FANCB: variants seen among roughly 807,000 people sequenced by gnomAD.
The protein encoded by FANCB is FA complementation group B, also known as Fanconi anemia group B protein.
FANCB carries 5 observed loss-of-function variants against 38.9 expected under a neutral mutation model. The ratio of observed to expected loss-of-function variants is 0.13; its 90% confidence interval spans 0.07 to 0.27. The LOEUF (loss-of-function observed/expected upper bound fraction) is 0.27. Among genes scored for constraint, FANCB ranks in the 10% least tolerant of loss-of-function variants. The pLI, the probability that FANCB is intolerant of heterozygous loss-of-function variation, is 1.00. For synonymous variants in FANCB, 236 were observed against 215.4 expected, an observed-to-expected ratio of 1.10 and a Z score of -0.84; for missense variants, 573 against 602.7, an observed-to-expected ratio of 0.95 and a Z score of 0.52.
chrX:14,834,746 AT>A, downstream of FANCB: 2 of 725,170 alleles, frequency 2.8e-6, no homozygotes, highest in Non-Finnish European at 4.3e-6. Flanking sequence ...ACTTGTGTGC[AT>A]TTTTGGCTGT....
At chrX:14,820,735 AT>A in the FANCB span, among the ~76,000 whole-genome samples, 1 of 111,048 alleles carries the variant, frequency 9.0e-6, no homozygotes, top group East Asian at 2.8e-4. Context: ...ATAGATAGCA[AT>A]GATCTCAGCT....
intron 4 of FANCB, 122 bp from the exon 5 acceptor site, chrX:14,858,076 A>G: frequency 1.0e-5 from 5 of 488,751 alleles, no homozygotes. Flanking sequence ...TAGTGTGTAT[A>G]AAATACACAC....
the FANCB span, among the ~76,000 whole-genome samples, chrX:14,775,158 A>ATTTTTT: frequency 7.0e-5 from 2 of 28,477 alleles, no homozygotes; most frequent in Admixed American, 3.2e-4. Context: ...TATTTCTCTA[A>ATTTTTT]TGTTTTTTTT....
chrX:14,754,075 T>C, the FANCB span, among the ~76,000 whole-genome samples: 5 of 112,033 alleles, frequency 4.5e-5, no homozygotes, highest in East Asian at 1.4e-3. Flanking sequence ...ACCAGACGCA[T>C]TGTGAGAGTG....
downstream of FANCB, among the ~76,000 whole-genome samples, chrX:14,832,068 T>G (rs185133621): frequency 8.9e-6 from 1 of 111,888 alleles, no homozygotes; most frequent in Admixed American, 9.5e-5. Flanking sequence ...TTCTAATTTC[T>G]AAAAGTAATG....
the FANCB span, among the ~76,000 whole-genome samples, chrX:14,820,345 C>A: frequency 1.8e-5 from 2 of 111,852 alleles, no homozygotes; most frequent in African/African-American, 6.5e-5. Flanking sequence ...ACAGTTGAAA[C>A]CCATGTCATT....
intron 7 of FANCB, 48 bp from the exon 8 acceptor site, chrX:14,845,334 A>T: frequency 1.0e-6 from 1 of 957,297 alleles, no homozygotes; most frequent in Non-Finnish European, 1.5e-6. Flanking sequence ...CATTCTTTAA[A>T]ATCAAATTGA....
chrX:14,812,174 G>A, the FANCB span, among the ~76,000 whole-genome samples: 1 of 110,193 alleles, frequency 9.1e-6, no homozygotes, highest in African/African-American at 3.3e-5. Flanking sequence ...AGTGTGTAGA[G>A]GGAAATTTAT....
chrX:14,794,787 G>A, the FANCB span, among the ~76,000 whole-genome samples: 1 of 112,113 alleles, frequency 8.9e-6, no homozygotes, highest in Non-Finnish European at 1.9e-5. Flanking sequence ...GTAGAGTGGG[G>A]AGAGAATAGG....
At chrX:14,723,826 C>T in the FANCB span, among the ~76,000 whole-genome samples, 52,860 of 111,039 alleles carry the variant, frequency 0.48, 9,540 homozygotes, top group Non-Finnish European at 0.57. Flanking sequence ...ACCAGGACCC[C>T]ATTTAGTAAG....
chrX:14,727,773 T>C, the FANCB span, among the ~76,000 whole-genome samples: 2 of 112,333 alleles, frequency 1.8e-5, no homozygotes, highest in Non-Finnish European at 3.7e-5. Context: ...ACTGAGCACA[T>C]GGAAGTACTC....
chrX:14,802,004 T>A, the FANCB span, among the ~76,000 whole-genome samples: 2 of 111,861 alleles, frequency 1.8e-5, no homozygotes, highest in Non-Finnish European at 3.8e-5. Flanking sequence ...TTTATCTTCC[T>A]CCCTTTGCTG....
chrX:14,829,612 A>C, the FANCB span, among the ~76,000 whole-genome samples: 1 of 111,758 alleles, frequency 8.9e-6, no homozygotes, highest in African/African-American at 3.3e-5. Context: ...GCTTCACCTC[A>C]CACTTTTGTG....
At chrX:14,769,842 G>A in the FANCB span, among the ~76,000 whole-genome samples, 8,246 of 111,729 alleles carry the variant, frequency 0.074, 400 homozygotes, top group African/African-American at 0.17. Flanking sequence ...CAAAGATTGT[G>A]ATATGTTGTC....
chrX:14,723,376 C>T, the FANCB span, among the ~76,000 whole-genome samples: 2 of 112,075 alleles, frequency 1.8e-5, no homozygotes, highest in African/African-American at 6.5e-5. Flanking sequence ...TATACCACCA[C>T]CCATTAAATC....
the FANCB span, among the ~76,000 whole-genome samples, chrX:14,735,099 C>G: frequency 9.2e-6 from 1 of 108,758 alleles, no homozygotes; most frequent in Non-Finnish European, 1.9e-5. Context: ...ATGTTCTTCT[C>G]TAAACTGGTT....
chrX:14,708,358 T>C, the FANCB span, among the ~76,000 whole-genome samples: 1 of 111,589 alleles, frequency 9.0e-6, no homozygotes, highest in Non-Finnish European at 1.9e-5. Context: ...TTAAACCTTC[T>C]CACATACCCT....
the FANCB span, among the ~76,000 whole-genome samples, chrX:14,744,292 C>A: frequency 8.9e-6 from 1 of 112,063 alleles, no homozygotes; most frequent in Admixed American, 9.5e-5. Context: ...AAAATAGTAC[C>A]TATTTCACAG....
chrX:14,829,723 AAG>A, the FANCB span, among the ~76,000 whole-genome samples: 1 of 112,008 alleles, frequency 8.9e-6, no homozygotes, highest in Non-Finnish European at 1.9e-5. Flanking sequence ...CACAGAATTG[AAG>A]AGAGTTAGAG....
Sources: allele counts gnomAD v4.1 joint callset (sites outside exome capture counted in the v4.1 genomes callset), GRCh38; gene constraint gnomAD v4.1.1; transcripts MANE v1.5; gene names NCBI Gene and HGNC (gene_info 2026-07-23, HGNC 2026-07-21).